Variants in MARCHF3 observed in about 807,000 individuals in gnomAD.
The protein encoded by MARCHF3 is membrane associated ring-CH-type finger 3.
Under a neutral mutation model 24.2 loss-of-function variants are expected in MARCHF3, and 13 were observed. The observed-to-expected ratio is 0.54, with a 90% CI of 0.35 to 0.85. The LOEUF is 0.85. Among genes scored for constraint, MARCHF3 ranks in the 40% least tolerant of loss-of-function variants. The probability of loss-of-function intolerance (pLI) is 0.01; values close to 1 mark genes in which losing one functional copy is unlikely to be tolerated. For synonymous variants in MARCHF3, 144 were observed against 137.3 expected, an observed-to-expected ratio of 1.05 and a Z score of -0.34; for missense variants, 276 against 325.0, an observed-to-expected ratio of 0.85 and a Z score of 1.16.
chr5:126,924,568 A>G (rs1561430735), intron 1 of MARCHF3, among the ~76,000 whole-genome samples: 2 of 152,198 alleles, frequency 1.3e-5, no homozygotes, highest in South Asian at 2.1e-4. Flanking sequence ...AGTGCACTGC[A>G]TGGCTGATGA....
intron 3 of MARCHF3, among the ~76,000 whole-genome samples, chr5:126,878,646 T>C (rs915463098): frequency 3.6e-4 from 55 of 152,344 alleles, no homozygotes; most frequent in African/African-American, 1.3e-3. Context: ...TTTGTGAAAA[T>C]AGTCGTTACT....
intron 1 of MARCHF3, among the ~76,000 whole-genome samples, chr5:126,961,478 CTTATGT>C (rs1418213932): frequency 6.6e-6 from 1 of 152,064 alleles, no homozygotes; most frequent in Non-Finnish European, 1.5e-5. Flanking sequence ...AACAGTTATG[CTTATGT>C]TTATAAAAAA....
chr5:126,881,043 G>A (rs1038364865), intron 3 of MARCHF3, among the ~76,000 whole-genome samples: 1 of 152,144 alleles, frequency 6.6e-6, no homozygotes, highest in African/African-American at 2.4e-5. Context: ...TTACGAATCA[G>A]TGTTTATCTC....
rs373006204 is a variant in MARCHF3, at chr5:126,870,744, G to C, written c.651C>G (p.Thr217=). The C allele has an allele frequency of 6.2e-7, 1 of 1,614,192 alleles. No homozygotes were observed. The highest frequency in any genetic ancestry group is 2.2e-5 in the East Asian group (1 of 44,888). The change falls in exon 5 of 5, where the codon ACC becomes ACG. Residue 217 remains threonine (T), a synonymous_variant. Transcript: ENST00000308660. ...HCRLYNEWRR[T]NQRVILLIPK... ...GAATGAGGAGAATCACCCTCTGATTGGTCCGACGCCACTCGTTGTACAATC... is the reference window on the plus strand; with the variant it reads ...GAATGAGGAGAATCACCCTCTGATTCGTCCGACGCCACTCGTTGTACAATC...
chr5:126,881,448 G>A (rs1376215886), intron 3 of MARCHF3, among the ~76,000 whole-genome samples: 1 of 152,012 alleles, frequency 6.6e-6, no homozygotes, highest in Non-Finnish European at 1.5e-5. Context: ...TCCATATATC[G>A]ACACAGAATA....
intron 1 of MARCHF3, among the ~76,000 whole-genome samples, chr5:126,974,436 C>T (rs1751125025): frequency 6.6e-6 from 1 of 152,226 alleles, no homozygotes; most frequent in Non-Finnish European, 1.5e-5. Context: ...AAAGAGCCCT[C>T]TGCTCTTCTC....
chr5:126,921,373 C>G (rs913327345), intron 1 of MARCHF3, among the ~76,000 whole-genome samples: 3 of 152,130 alleles, frequency 2.0e-5, no homozygotes, highest in African/African-American at 7.2e-5. Flanking sequence ...GCCCTGATCT[C>G]AGTGAAAGGG....
At chr5:126,919,763 T>G (rs1197437504) in intron 1 of MARCHF3, among the ~76,000 whole-genome samples, 1 of 152,224 alleles carries the variant, frequency 6.6e-6, no homozygotes, top group Non-Finnish European at 1.5e-5. Context: ...TGCTGAGGTG[T>G]CTGGCTGGCT....
At chr5:126,917,559 A>AT (rs1246751560) in intron 2 of MARCHF3, among the ~76,000 whole-genome samples, 11 of 152,282 alleles carry the variant, frequency 7.2e-5, no homozygotes, top group Admixed American at 1.3e-4. Flanking sequence ...GCCAGTCCAC[A>AT]TGCACACCAA....
At chr5:126,947,215 G>A (rs1750055437) in intron 1 of MARCHF3, among the ~76,000 whole-genome samples, 3 of 152,122 alleles carry the variant, frequency 2.0e-5, no homozygotes, top group Admixed American at 6.5e-5. Context: ...ATTAGCTGCC[G>A]ACATTTATTG....
intron 3 of MARCHF3, among the ~76,000 whole-genome samples, chr5:126,909,562 G>A (rs888875199): frequency 2.0e-5 from 3 of 152,196 alleles, no homozygotes; most frequent in African/African-American, 7.2e-5. Context: ...CGCAGTATTC[G>A]GGTGGGAGTG....
chr5:127,030,019 G>C (rs1753126337), intron 1 of MARCHF3: 1 of 152,304 alleles, frequency 6.6e-6, no homozygotes, highest in East Asian at 1.9e-4. Flanking sequence ...CAGGAACCGC[G>C]GTCCGCACGC....
chr5:127,016,502 T>C (rs566749586), intron 1 of MARCHF3, among the ~76,000 whole-genome samples: 1 of 152,174 alleles, frequency 6.6e-6, no homozygotes, highest in East Asian at 1.9e-4. Flanking sequence ...AACAGACACA[T>C]GAAAAAATGT....
At chr5:126,972,281 A>C (rs564091709) in intron 1 of MARCHF3, among the ~76,000 whole-genome samples, 1 of 152,060 alleles carries the variant, frequency 6.6e-6, no homozygotes. Context: ...CAGAACCTCA[A>C]ATCACCCCCT....
intron 3 of MARCHF3, among the ~76,000 whole-genome samples, chr5:126,894,521 G>T (rs1428371623): frequency 1.3e-5 from 2 of 151,752 alleles, no homozygotes; most frequent in African/African-American, 4.9e-5. Context: ...TGTCTGTAAA[G>T]TATTTTATTT....
At chr5:127,014,589 TGTG>T (rs1180662170) in intron 1 of MARCHF3, among the ~76,000 whole-genome samples, 15 of 152,132 alleles carry the variant, frequency 9.9e-5, no homozygotes, top group Non-Finnish European at 2.2e-4. Context: ...GATTAAAAAA[TGTG>T]GTATATATAC....
At chr5:126,991,494 C>A (rs1203626206) in intron 1 of MARCHF3, among the ~76,000 whole-genome samples, 2 of 152,048 alleles carry the variant, frequency 1.3e-5, no homozygotes, top group Admixed American at 1.3e-4. Context: ...ACATGTATAC[C>A]TATGTAACAA....
intron 3 of MARCHF3, among the ~76,000 whole-genome samples, chr5:126,910,023 A>G (rs924735285): frequency 6.6e-6 from 1 of 152,206 alleles, no homozygotes; most frequent in Non-Finnish European, 1.5e-5. Context: ...TTGTTCATAC[A>G]GTTCTTATCA....
chr5:126,906,512 G>T (rs1371152043), intron 3 of MARCHF3, among the ~76,000 whole-genome samples: 2 of 152,174 alleles, frequency 1.3e-5, no homozygotes, highest in Non-Finnish European at 2.9e-5. Flanking sequence ...ATTTGTCTAT[G>T]CAGAGATTCA....
Sources: gnomAD v4.1 joint callset for allele counts (sites outside exome capture counted in the v4.1 genomes callset) on GRCh38, gnomAD v4.1.1 for gene constraint, MANE v1.5 for transcripts, NCBI Gene and HGNC (gene_info 2026-07-23, HGNC 2026-07-21) for gene names.